The following OTULIN variants were observed in gnomAD, a reference collection of about 807,000 sequenced individuals.
The protein encoded by OTULIN is ubiquitin thioesterase otulin.
A neutral mutation model predicts 39.6 loss-of-function variants in OTULIN; 15 were observed. That is an observed-to-expected ratio of 0.38 (90% CI 0.25 to 0.58). OTULIN has a LOEUF of 0.58. Among genes scored for constraint, OTULIN ranks in the 20% least tolerant of loss-of-function variants. The pLI is 0.66. For synonymous variants in OTULIN, 156 were observed against 170.3 expected (o/e 0.92, Z 0.65); for missense variants, 319 against 445.9 (o/e 0.72, Z 2.56).
chr5:14,669,711 C>T (rs1012973776), intron 1 of OTULIN, among the ~76,000 whole-genome samples: 4 of 152,126 alleles, frequency 2.6e-5, no homozygotes, highest in Non-Finnish European at 5.9e-5. Flanking sequence ...GTCGAAGCTG[C>T]AGTGAGCTGT....
chr5:14,715,927 G>C, the OTULIN span, among the ~76,000 whole-genome samples: 1 of 152,186 alleles, frequency 6.6e-6, no homozygotes, highest in Non-Finnish European at 1.5e-5. Flanking sequence ...AGGTTCCCCT[G>C]GAGTCTTCCT....
intron 6 of OTULIN, among the ~76,000 whole-genome samples, chr5:14,692,020 C>T (rs1429299085): frequency 6.6e-6 from 1 of 152,124 alleles, no homozygotes; most frequent in African/African-American, 2.4e-5. Flanking sequence ...ATTGTTTCCA[C>T]TTTTTAGTTC....
At chr5:14,715,450 T>C in the OTULIN span, among the ~76,000 whole-genome samples, 1 of 152,144 alleles carries the variant, frequency 6.6e-6, no homozygotes, top group Admixed American at 6.5e-5. Flanking sequence ...TTTCTTAACA[T>C]TGTGGCTTTG....
the OTULIN span, chr5:14,711,353 A>T: frequency 6.5e-7 from 1 of 1,536,228 alleles, no homozygotes; most frequent in Non-Finnish European, 9.0e-7. Context: ...GTGGATGGGG[A>T]CACTGCACAG....
Position 14,696,166 on chromosome 5 carries a change from A to C in OTULIN, c.*3118A>C, listed in dbSNP as rs746524458. Reference sequence around the variant, plus strand: ...TTCCCGATGTGCTGTTTTACCTAGGAGTTAGTCTGCTTTCTGAGGATCTTT... The same window carrying C: ...TTCCCGATGTGCTGTTTTACCTAGGCGTTAGTCTGCTTTCTGAGGATCTTT... On this transcript the variant is annotated 3_prime_UTR_variant, in exon 7 of 7. Coordinates refer to ENST00000284274, the MANE Select transcript of OTULIN (RefSeq NM_138348.6). 4 of 152,098 alleles carry C rather than the reference A, an allele frequency of 2.6e-5. No homozygotes were observed. The highest frequency in any genetic ancestry group is 4.4e-5 in the Non-Finnish European group (3 of 68,016). 9.4% of individuals were successfully genotyped at this position (152,098 alleles called of 1,614,324 possible).
At chr5:14,686,672 C>T (rs1279703118) in intron 4 of OTULIN, among the ~76,000 whole-genome samples, 1 of 152,124 alleles carries the variant, frequency 6.6e-6, no homozygotes, top group Non-Finnish European at 1.5e-5. Flanking sequence ...TGTGCCCAGC[C>T]TAATTCTAGG....
At chr5:14,682,892 G>A (rs1250792407) in intron 4 of OTULIN, among the ~76,000 whole-genome samples, 3 of 152,172 alleles carry the variant, frequency 2.0e-5, no homozygotes, top group Non-Finnish European at 4.4e-5. Context: ...TGGAAATGTG[G>A]CCAGGATGCT....
the OTULIN span, chr5:14,709,985 A>C: frequency 6.6e-6 from 1 of 152,216 alleles, no homozygotes; most frequent in Non-Finnish European, 1.5e-5. Context: ...CGTGTCTATA[A>C]TTTTTTTAAA....
At chr5:14,703,619 G>A (rs1010355423), downstream of OTULIN, among the ~76,000 whole-genome samples, 1 of 152,122 alleles carries the variant, frequency 6.6e-6, no homozygotes, top group Non-Finnish European at 1.5e-5. Flanking sequence ...GCCCCTTGTG[G>A]TATTAAGAGT....
At chr5:14,687,709 G>T in intron 5 of OTULIN, 63 bp downstream of exon 5, 1 of 1,505,040 alleles carries the variant, frequency 6.6e-7, no homozygotes, top group South Asian at 1.4e-5. Context: ...TGCCCCAGAA[G>T]ACCAGTTTTT....
chr5:14,676,515 G>A (rs1015806314), intron 2 of OTULIN, among the ~76,000 whole-genome samples: 3 of 152,216 alleles, frequency 2.0e-5, no homozygotes, highest in Non-Finnish European at 2.9e-5. Flanking sequence ...ACTACGCTAC[G>A]TAGGCCTCTG....
chr5:14,686,599 T>A (rs1413699204), intron 4 of OTULIN, among the ~76,000 whole-genome samples: 1 of 152,234 alleles, frequency 6.6e-6, no homozygotes, highest in Non-Finnish European at 1.5e-5. Context: ...TCTTTAATGA[T>A]CTGTTGACTT....
rs971146955 is a variant in OTULIN at position 14,697,352 on chromosome 5, T to A, written c.*4304T>A. The A allele has an allele frequency of 1.3e-5, 2 of 152,096 alleles. No individual in the cohort carries two copies. Among genetic ancestry groups the A allele is most frequent in the African/African-American group, 4.8e-5 (2 of 41,392 alleles). 9.4% of individuals were successfully genotyped at this position (152,096 alleles called of 1,614,324 possible). ...CCACCACTCCCAGCTAATTTTTGTA[T>A]TTTTAGTAGAGATGGGGTTTTACCA... On this transcript the variant is annotated 3_prime_UTR_variant, in exon 7 of 7. Coordinates refer to ENST00000284274, the MANE Select transcript of OTULIN (RefSeq NM_138348.6).
At chr5:14,692,595 T>C (rs1736556657) in intron 6 of OTULIN, among the ~76,000 whole-genome samples, 1 of 152,214 alleles carries the variant, frequency 6.6e-6, no homozygotes, top group African/African-American at 2.4e-5. Context: ...GTTATTTGGT[T>C]TTTTGTTTTG....
In OTULIN at chr5:14,696,406, G is replaced by A. The variant is rs1736670394; in HGVS notation, c.*3358G>A. ...ATAAACCATTGGGGAATCTTAACTT[G>A]TAGACATGCAGTAAAAGAAATGCAT... is the stretch of plus-strand genomic sequence containing the variant. On this transcript the variant is annotated 3_prime_UTR_variant, in exon 7 of 7. Coordinates refer to ENST00000284274, the MANE Select transcript of OTULIN (RefSeq NM_138348.6). 1 of 152,190 alleles carries A rather than the reference G, an allele frequency of 6.6e-6. No homozygotes were observed. Among genetic ancestry groups the A allele is most frequent in the Admixed American group, 6.5e-5 (1 of 15,288 alleles). The allele number at this position is 152,190 out of a possible 1,614,324, so 9.4% of individuals were successfully genotyped here.
chr5:14,675,589 A>C (rs1560994054), intron 2 of OTULIN, among the ~76,000 whole-genome samples: 1 of 151,842 alleles, frequency 6.6e-6, no homozygotes. Context: ...GGTGTTTGTT[A>C]CCGCTGACAG....
intron 1 of OTULIN, among the ~76,000 whole-genome samples, chr5:14,672,562 G>C (rs1333495868): frequency 6.6e-6 from 1 of 152,106 alleles, no homozygotes; most frequent in Non-Finnish European, 1.5e-5. Context: ...CCTTGTGTGA[G>C]GATGGGGTAT....
rs1736217432 is a variant in OTULIN at position 14,680,482 on chromosome 5, G to A, written c.325-982G>A. Among the ~76,000 whole-genome samples, 3 of 152,160 alleles carry A rather than the reference G, an allele frequency of 2.0e-5. No homozygotes were observed. In the South Asian group the frequency reaches 6.2e-4, roughly 31 times the overall value. ...GCAGGGTAGGAAGTGGGTCTTGAGT[G>A]ACTGTCAATGAAAAGTTGGATGAGT... On this transcript the variant is annotated intron_variant, in intron 3 of 6. Transcript: ENST00000284274.
chr5:14,666,191 C>T (rs1211866831), intron 1 of OTULIN, among the ~76,000 whole-genome samples: 2 of 152,204 alleles, frequency 1.3e-5, no homozygotes, highest in Non-Finnish European at 2.9e-5. Context: ...CTGTGTCATG[C>T]CTCCTGAGCA....
Sources: gnomAD v4.1 joint callset for allele counts (sites outside exome capture counted in the v4.1 genomes callset) on GRCh38, gnomAD v4.1.1 for gene constraint, MANE v1.5 for transcripts, NCBI Gene and HGNC (gene_info 2026-07-23, HGNC 2026-07-21) for gene names.